The following CPNE8 variants were observed in gnomAD, a reference collection of about 807,000 sequenced individuals.
CPNE8 encodes copine-8.
CPNE8 carries 45 observed loss-of-function variants against 81.5 expected under a neutral mutation model. The observed-to-expected ratio is 0.55, with a 90% confidence interval of 0.44 to 0.71. The LOEUF (loss-of-function observed/expected upper bound fraction) is 0.71, where lower values mean the gene tolerates loss of function less well. Among genes scored for constraint, CPNE8 ranks in the 30% least tolerant of loss-of-function variants. The probability of loss-of-function intolerance (pLI) is 0.00; values close to 1 mark genes in which losing one functional copy is unlikely to be tolerated. For synonymous variants in CPNE8, 252 were observed against 226.3 expected (o/e 1.11, Z -1.02); for missense variants, 594 against 672.1 (o/e 0.88, Z 1.28).
intron 8 of CPNE8, among the ~76,000 whole-genome samples, chr12:38,764,619 A>G (rs1473482101): frequency 1.4e-5 from 2 of 146,024 alleles, no homozygotes; most frequent in Non-Finnish European, 3.0e-5. Flanking sequence ...TCCGTCTCAA[A>G]AAAAAAAAAA....
At chr12:38,670,320 T>C (rs2136643189) in intron 19 of CPNE8, among the ~76,000 whole-genome samples, 1 of 152,304 alleles carries the variant, frequency 6.6e-6, no homozygotes, top group Middle Eastern at 3.4e-3. Flanking sequence ...ACTATTAAGT[T>C]GAATTAACGC....
chr12:38,728,746 C>T (rs1290843772), intron 11 of CPNE8, among the ~76,000 whole-genome samples: 1 of 151,986 alleles, frequency 6.6e-6, no homozygotes, highest in Non-Finnish European at 1.5e-5. Flanking sequence ...GCTTGATAAA[C>T]CTGAATCCCT....
At chr12:38,706,083 G>T (rs1056845742) in intron 13 of CPNE8, among the ~76,000 whole-genome samples, 1 of 152,008 alleles carries the variant, frequency 6.6e-6, no homozygotes, top group African/African-American at 2.4e-5. Flanking sequence ...TTCTATGCCA[G>T]TAATAAACAA....
At chr12:38,885,693 G>A (rs536226240) in intron 1 of CPNE8, among the ~76,000 whole-genome samples, 22 of 151,968 alleles carry the variant, frequency 1.4e-4, no homozygotes, top group South Asian at 4.2e-4. Context: ...AAACATAGAT[G>A]CTGATATTGT....
At chr12:38,788,959 C>CA (rs1335580271) in intron 6 of CPNE8, among the ~76,000 whole-genome samples, 2 of 151,448 alleles carry the variant, frequency 1.3e-5, no homozygotes, top group Admixed American at 6.6e-5. Context: ...AAGAGGACAC[C>CA]AAAAAATGAA....
chr12:38,766,296 C>T lies in CPNE8; in HGVS notation c.575+1339G>A, dbSNP rs150790043. On this transcript the variant is annotated intron_variant, in intron 8 of 19. Transcript: ENST00000331366. ...ACTAATAAGAATAAAAATAGAAAAT[C>T]CAGGGAGCAAGTAGTTCATAAGAAC... Among the ~76,000 whole-genome samples, 755 of 152,096 alleles carry T rather than the reference C, an allele frequency of 5.0e-3. 4 individuals carry two copies. The highest frequency in any genetic ancestry group is 0.017 in the African/African-American group (705 of 41,488).
intron 13 of CPNE8, among the ~76,000 whole-genome samples, chr12:38,710,097 AT>A (rs1373192856): frequency 6.6e-6 from 1 of 151,940 alleles, no homozygotes; most frequent in Non-Finnish European, 1.5e-5. Flanking sequence ...TTGAAGATTG[AT>A]TTCTATATTT....
At chr12:38,792,504 A>C (rs892757253) in intron 6 of CPNE8, among the ~76,000 whole-genome samples, 2 of 151,724 alleles carry the variant, frequency 1.3e-5, no homozygotes, top group Non-Finnish European at 3.0e-5. Flanking sequence ...TCTTGGAAAT[A>C]CATGAACTAT....
At chr12:38,775,562 G>T (rs778262539) in intron 7 of CPNE8, among the ~76,000 whole-genome samples, 2 of 152,162 alleles carry the variant, frequency 1.3e-5, no homozygotes, top group Non-Finnish European at 2.9e-5. Flanking sequence ...ATTGACTTCA[G>T]ATTAAGCTGG....
chr12:38,678,121 T>C (rs1311400443), intron 16 of CPNE8, among the ~76,000 whole-genome samples: 1 of 152,038 alleles, frequency 6.6e-6, no homozygotes, highest in Admixed American at 6.6e-5. Flanking sequence ...CATTGAATGG[T>C]ATACGTTTAA....
intron 10 of CPNE8, among the ~76,000 whole-genome samples, chr12:38,741,032 G>C (rs929825440): frequency 1.3e-5 from 2 of 152,100 alleles, no homozygotes; most frequent in African/African-American, 4.8e-5. Context: ...AAGTAAAAGA[G>C]GACACAAACA....
intron 14 of CPNE8, among the ~76,000 whole-genome samples, chr12:38,701,704 C>T (rs544586051): frequency 3.9e-5 from 6 of 152,028 alleles, no homozygotes; most frequent in East Asian, 1.9e-4. Context: ...ATGTTGGCCA[C>T]GCTGGTCTCA....
chr12:38,780,787 T>C (rs929440946), intron 6 of CPNE8, among the ~76,000 whole-genome samples: 1 of 152,096 alleles, frequency 6.6e-6, no homozygotes, highest in Non-Finnish European at 1.5e-5. Flanking sequence ...AAACTATAGA[T>C]ACTTTGAAAC....
At chr12:38,689,769 C>A (rs540872280) in intron 15 of CPNE8, among the ~76,000 whole-genome samples, 4 of 152,314 alleles carry the variant, frequency 2.6e-5, no homozygotes, top group Admixed American at 2.6e-4. Context: ...GGAAGACCTT[C>A]TTTTAAGGAC....
intron 7 of CPNE8, among the ~76,000 whole-genome samples, chr12:38,769,141 G>A (rs1445441803): frequency 6.6e-6 from 1 of 152,116 alleles, no homozygotes; most frequent in Non-Finnish European, 1.5e-5. Context: ...TTGGAATAGG[G>A]TAATGAACAA....
At chr12:38,745,817 C>T (rs1159654082) in intron 10 of CPNE8, among the ~76,000 whole-genome samples, 3 of 152,126 alleles carry the variant, frequency 2.0e-5, no homozygotes, top group Admixed American at 6.5e-5. Flanking sequence ...GCTGGGATTA[C>T]CTACGTGAGC....
At chr12:38,853,491 T>C (rs1943680769) in intron 3 of CPNE8, among the ~76,000 whole-genome samples, 2 of 152,112 alleles carry the variant, frequency 1.3e-5, no homozygotes, top group Non-Finnish European at 2.9e-5. Flanking sequence ...TTTTACATAA[T>C]GATACAGTAT....
At chr12:38,666,930 T>C (rs1939068653) in intron 19 of CPNE8, among the ~76,000 whole-genome samples, 1 of 152,140 alleles carries the variant, frequency 6.6e-6, no homozygotes, top group Non-Finnish European at 1.5e-5. Context: ...TAAAGTTAAT[T>C]AAGGACTGAG....
chr12:38,784,165 T>C (rs1942118570), intron 6 of CPNE8, among the ~76,000 whole-genome samples: 1 of 152,016 alleles, frequency 6.6e-6, no homozygotes. Flanking sequence ...TAACAAAAAA[T>C]TAAAATAATT....
Sources: gnomAD v4.1 joint callset for allele counts (sites outside exome capture counted in the v4.1 genomes callset) on GRCh38, gnomAD v4.1.1 for gene constraint, MANE v1.5 for transcripts, NCBI Gene and HGNC (gene_info 2026-07-23, HGNC 2026-07-21) for gene names.